Variants in MTUS1 observed in about 807,000 individuals in gnomAD.
MTUS1 encodes microtubule-associated tumor suppressor 1.
In MTUS1, 109 loss-of-function variants were observed where a neutral mutation model predicts 120.8. The ratio of observed to expected loss-of-function variants is 0.90; its 90% CI spans 0.77 to 1.06. The LOEUF (loss-of-function observed/expected upper bound fraction) is 1.06. Ranked by LOEUF, MTUS1 falls within the 50% of genes least tolerant of loss-of-function variation. The pLI, the probability that MTUS1 is intolerant of heterozygous loss-of-function variation, is 0.00. For missense variants in MTUS1, 2,210 were observed against 1,486.3 expected (o/e 1.49, Z -8.01); for synonymous variants, 737 against 550.5 (o/e 1.34, Z -4.74).
chr8:17,779,086 G>A (rs2050677489), intron 1 of MTUS1, among the ~76,000 whole-genome samples: 1 of 152,142 alleles, frequency 6.6e-6, no homozygotes, highest in Non-Finnish European at 1.5e-5. Context: ...GGTCAAGGAA[G>A]GCCTCTCTGA....
chr8:17,716,715 C>T lies in MTUS1; in HGVS notation c.2450-814G>A, dbSNP rs116108538. 8.0e-3 allele frequency: 1,213 copies of T among 152,404 alleles called. 14 individuals are homozygous for T. Among genetic ancestry groups the T allele is most frequent in the African/African-American group, 0.027 (1,127 of 41,552 alleles). 9.4% of individuals were successfully genotyped at this position (152,404 alleles called of 1,614,324 possible). The stretch of plus-strand genomic sequence containing the variant: ...GACTACAGGCGCCCGCGGCCACACC[C>T]GGCTCATTTTTTCTATTTTTAGTGG... On this transcript the variant is annotated intron_variant, in intron 4 of 14. Coordinates refer to ENST00000693296, the MANE Select transcript of MTUS1 (RefSeq NM_001363059.2).
At chr8:17,782,766 GC>G (rs938563034) in intron 1 of MTUS1, among the ~76,000 whole-genome samples, 98 of 152,150 alleles carry the variant, frequency 6.4e-4, no homozygotes, top group African/African-American at 2.2e-3. Flanking sequence ...GTTTCTACTG[GC>G]AACATTAAAT....
intron 12 of MTUS1, among the ~76,000 whole-genome samples, chr8:17,652,240 T>G (rs962228941): frequency 3.3e-5 from 5 of 152,198 alleles, no homozygotes; most frequent in African/African-American, 1.2e-4. Flanking sequence ...ACAAGAAATT[T>G]CAGCTTCCAA....
chr8:17,753,223 T>A (rs895175497), intron 2 of MTUS1, among the ~76,000 whole-genome samples: 2 of 152,034 alleles, frequency 1.3e-5, no homozygotes, highest in African/African-American at 4.8e-5. Context: ...AGAGGAAAAA[T>A]CAAGAACACT....
chr8:17,746,291 G>A (rs184907674), intron 2 of MTUS1, among the ~76,000 whole-genome samples: 2 of 152,086 alleles, frequency 1.3e-5, no homozygotes, highest in African/African-American at 4.8e-5. Flanking sequence ...ACTCTCTCCT[G>A]AGTTTCCCAT....
At chr8:17,775,429 A>C (rs1472539384) in intron 1 of MTUS1, among the ~76,000 whole-genome samples, 1 of 152,134 alleles carries the variant, frequency 6.6e-6, no homozygotes, top group Non-Finnish European at 1.5e-5. Context: ...CTGAGACCTC[A>C]AATGCTAAAT....
At chr8:17,679,463 A>C (rs1322212711) in intron 7 of MTUS1, among the ~76,000 whole-genome samples, 1 of 148,660 alleles carries the variant, frequency 6.7e-6, no homozygotes, top group Non-Finnish European at 1.5e-5. Context: ...TTTACCCATG[A>C]TTTTTTTTCT....
At chr8:17,664,647 T>G (rs1233512774) in intron 8 of MTUS1, among the ~76,000 whole-genome samples, 2 of 152,074 alleles carry the variant, frequency 1.3e-5, no homozygotes, top group South Asian at 2.1e-4. Flanking sequence ...TAAACAGAAC[T>G]GTCACTTCTC....
chr8:17,684,707 G>A (rs1301032934), intron 6 of MTUS1, among the ~76,000 whole-genome samples, 165 bp from the exon 7 acceptor site: 3 of 152,158 alleles, frequency 2.0e-5, no homozygotes, highest in African/African-American at 7.2e-5. Flanking sequence ...AGATCTAGAC[G>A]GTTGGAATTC....
At chr8:17,789,096 G>T (rs990161293) in intron 1 of MTUS1, among the ~76,000 whole-genome samples, 1 of 151,376 alleles carries the variant, frequency 6.6e-6, no homozygotes. Flanking sequence ...GCAATGGCAC[G>T]ATCTCAGCTC....
rs1805328413 is a variant in MTUS1 at position 17,643,928 on chromosome 8, A to C, written c.*1998T>G. On this transcript the variant is annotated 3_prime_UTR_variant, in exon 15 of 15. Coordinates refer to ENST00000693296, the MANE Select transcript of MTUS1 (RefSeq NM_001363059.2). ...TGCCAACATTTTGCATTCTACATGAAACATTTGGTTTAAACAAAATCTTAA... is the reference window on the plus strand; with the variant it reads ...TGCCAACATTTTGCATTCTACATGACACATTTGGTTTAAACAAAATCTTAA... 1 of 152,228 alleles carries C rather than the reference A, an allele frequency of 6.6e-6. No homozygotes were observed. The highest frequency in any genetic ancestry group is 6.5e-5 in the Admixed American group (1 of 15,286). The allele number at this position is 152,228 out of a possible 1,614,324, so 9.4% of individuals were successfully genotyped here. A position where few individuals can be genotyped will look rare whatever the true frequency, so the allele number is the denominator to read the frequency against.
chr8:17,788,695 C>A (rs981436788), intron 1 of MTUS1, among the ~76,000 whole-genome samples: 1 of 152,052 alleles, frequency 6.6e-6, no homozygotes, highest in Non-Finnish European at 1.5e-5. Flanking sequence ...GTTTATTGAA[C>A]AAAAATAAAA....
rs1018369941 is a variant in MTUS1, at chr8:17,723,474, A to G, written c.2449+198T>C. 10 of 645,082 alleles carry G rather than the reference A, an allele frequency of 1.6e-5. 1 individual carries two copies. Among genetic ancestry groups the G allele is most frequent in the African/African-American group, 1.4e-4 (8 of 55,470 alleles). 40.0% of individuals were successfully genotyped at this position (645,082 alleles called of 1,614,324 possible). A position where few individuals can be genotyped will look rare whatever the true frequency, so the allele number is the denominator to read the frequency against. ...TTTCGAATCCTTCATGCAAAAATATACTTTAACACATAATTATTTCAAGAG... is the reference window on the plus strand; with the variant it reads ...TTTCGAATCCTTCATGCAAAAATATGCTTTAACACATAATTATTTCAAGAG... On this transcript the variant is annotated intron_variant, in intron 4 of 14. Coordinates refer to ENST00000693296, the MANE Select transcript of MTUS1 (RefSeq NM_001363059.2).
chr8:17,775,075 C>G (rs979590967), intron 1 of MTUS1, among the ~76,000 whole-genome samples: 2 of 149,764 alleles, frequency 1.3e-5, no homozygotes, highest in African/African-American at 4.9e-5. Flanking sequence ...AAAGTCAATT[C>G]GAGGTTACCA....
intron 1 of MTUS1, among the ~76,000 whole-genome samples, chr8:17,777,436 C>G (rs1349228172): frequency 6.9e-6 from 1 of 145,678 alleles, no homozygotes; most frequent in Non-Finnish European, 1.5e-5. Flanking sequence ...GAGACACTGT[C>G]TCAAAAAAAG....
intron 1 of MTUS1, among the ~76,000 whole-genome samples, chr8:17,759,695 G>C (rs918185225): frequency 2.0e-5 from 3 of 149,148 alleles, no homozygotes; most frequent in African/African-American, 4.9e-5. Flanking sequence ...TTGCTTTTAA[G>C]ACTCATATAC....
In MTUS1 at chr8:17,692,926, C is replaced by T. The variant is rs114735005; in HGVS notation, c.2624-8384G>A. Among the ~76,000 whole-genome samples, 457 of 152,290 alleles carry T rather than the reference C, an allele frequency of 3.0e-3. 4 individuals are homozygous for T. Among genetic ancestry groups the T allele is most frequent in the African/African-American group, 8.7e-3 (362 of 41,550 alleles). On this transcript the variant is annotated intron_variant, in intron 6 of 14. Coordinates refer to ENST00000693296, the MANE Select transcript of MTUS1 (RefSeq NM_001363059.2). Reference sequence around the variant, plus strand: ...ATACTACCTCTGCCATCCCTCGATACGTACGTACACATGTTCCTCCCTTGC... The same window carrying T: ...ATACTACCTCTGCCATCCCTCGATATGTACGTACACATGTTCCTCCCTTGC...
At chr8:17,705,145 C>G (rs1438320016) in intron 6 of MTUS1, among the ~76,000 whole-genome samples, 1 of 151,996 alleles carries the variant, frequency 6.6e-6, no homozygotes, top group African/African-American at 2.4e-5. Context: ...CCACGTGCAG[C>G]TAATTTTTTT....
At chr8:17,747,944 A>G (rs1160317943) in intron 2 of MTUS1, among the ~76,000 whole-genome samples, 1 of 152,104 alleles carries the variant, frequency 6.6e-6, no homozygotes, top group African/African-American at 2.4e-5. Flanking sequence ...TATAATAACC[A>G]TCAGATCTTG....
Sources: gnomAD v4.1 joint callset for allele counts (sites outside exome capture counted in the v4.1 genomes callset) on GRCh38, gnomAD v4.1.1 for gene constraint, MANE v1.5 for transcripts, NCBI Gene and HGNC (gene_info 2026-07-23, HGNC 2026-07-21) for gene names.